Variants in RALGPS1 observed in about 807,000 individuals in gnomAD.
RALGPS1 encodes the protein ras-specific guanine nucleotide-releasing factor RalGPS1.
RALGPS1 carries 19 observed loss-of-function variants against 78.8 expected under a neutral mutation model. The observed-to-expected ratio is 0.24, with a 90% CI of 0.17 to 0.35. The LOEUF is 0.35. RALGPS1 is among the 10% of genes least tolerant of loss of function. RALGPS1 has a pLI of 1.00. For synonymous variants in RALGPS1, 228 were observed against 256.3 expected (o/e 0.89, Z 1.06); for missense variants, 454 against 688.3 (o/e 0.66, Z 3.81).
chr9:127,121,075 C>T (rs1345311995), intron 8 of RALGPS1, among the ~76,000 whole-genome samples: 1 of 152,118 alleles, frequency 6.6e-6, no homozygotes, highest in African/African-American at 2.4e-5. Context: ...AGCCATGTAG[C>T]CATGGGCACA....
intron 1 of RALGPS1, among the ~76,000 whole-genome samples, chr9:126,929,565 C>T (rs1314105953): frequency 6.6e-6 from 1 of 152,054 alleles, no homozygotes. Context: ...GATTTTCCTG[C>T]CTCAGCCTCC....
Position 127,183,827 on chromosome 9 carries a change from G to A in RALGPS1, c.910+9045G>A, listed in dbSNP as rs1001526329. On this transcript the variant is annotated intron_variant, in intron 11 of 18. Transcript: ENST00000259351. The surrounding 1 kb of genome is among the most constrained non-coding windows in gnomAD (Gnocchi z 4.0). ...CCTCAGGGATAGGAGGCCAGTTGTGGCCCATTACTCTGGGATTTCACATCT... is the reference window on the plus strand; with the variant it reads ...CCTCAGGGATAGGAGGCCAGTTGTGACCCATTACTCTGGGATTTCACATCT... 4.2e-5 allele frequency: 64 copies of A among 1,520,814 alleles called. No individual in the cohort carries two copies. Among genetic ancestry groups the A allele is most frequent in the Non-Finnish European group, 5.6e-5 (63 of 1,131,276 alleles). The allele number at this position is 1,520,814 out of a possible 1,614,324, so 94.2% of individuals were successfully genotyped here. A position where few individuals can be genotyped will look rare whatever the true frequency, so the allele number is the denominator to read the frequency against.
chr9:127,188,015 TCC>T (rs1318706084), intron 11 of RALGPS1, among the ~76,000 whole-genome samples: 3 of 149,096 alleles, frequency 2.0e-5, no homozygotes, highest in Admixed American at 2.0e-4. Flanking sequence ...TAACACTCTC[TCC>T]AGATGGTTCT....
Position 127,018,647 on chromosome 9 carries a change from G to GATGATA in RALGPS1, c.217-15782_217-15781insGATAAT, listed in dbSNP as rs1554791142. On this transcript the variant is annotated intron_variant, in intron 4 of 18. Transcript: ENST00000259351. ...CTCTGTCTCAAAAAATAATAATGAT[G>GATGATA]ATAATAATAATAATAATAATAATAA... Among the ~76,000 whole-genome samples the GATGATA allele has an allele frequency of 5.8e-4, 86 of 147,052 alleles. 1 individual carries two copies. The highest frequency in any genetic ancestry group is 2.4e-3 in the South Asian group (11 of 4,610).
At chr9:127,146,567 G>A (rs1006289532) in intron 8 of RALGPS1, among the ~76,000 whole-genome samples, 1 of 142,148 alleles carries the variant, frequency 7.0e-6, no homozygotes, top group African/African-American at 2.7e-5. Flanking sequence ...TTTTGACTCA[G>A]CGTCTCAACT....
chr9:127,133,814 C>G (rs1679190208), intron 8 of RALGPS1, among the ~76,000 whole-genome samples: 1 of 151,970 alleles, frequency 6.6e-6, no homozygotes, highest in Admixed American at 6.6e-5. Context: ...CAGCTGACAC[C>G]CCAGACACTC....
At chr9:126,948,501 A>T (rs1199533241) in intron 1 of RALGPS1, among the ~76,000 whole-genome samples, 1 of 152,194 alleles carries the variant, frequency 6.6e-6, no homozygotes, top group African/African-American at 2.4e-5. Context: ...AGCCTGTGCA[A>T]CAGAGTGAAA....
At chr9:127,210,417 A>G (rs2062178027) in intron 14 of RALGPS1, 1 of 479,854 alleles carries the variant, frequency 2.1e-6, no homozygotes, top group African/African-American at 1.9e-5. Flanking sequence ...GATTTTAATC[A>G]TGCTCTTGAC....
intron 13 of RALGPS1, among the ~76,000 whole-genome samples, chr9:127,197,439 G>A (rs1306348580): frequency 6.7e-6 from 1 of 149,658 alleles, no homozygotes; most frequent in Non-Finnish European, 1.5e-5. Context: ...CTGGTGGTTA[G>A]ACCAGTTGCC....
chr9:126,917,284 T>A (rs1051211867), intron 1 of RALGPS1, among the ~76,000 whole-genome samples: 2 of 152,218 alleles, frequency 1.3e-5, no homozygotes, highest in African/African-American at 2.4e-5. Flanking sequence ...TGCTGCTGTC[T>A]GAGTGACCAT....
chr9:127,130,451 C>G (rs968687507), intron 8 of RALGPS1, among the ~76,000 whole-genome samples: 1 of 152,172 alleles, frequency 6.6e-6, no homozygotes, highest in Non-Finnish European at 1.5e-5. Flanking sequence ...TTTAAGTTGT[C>G]CCTTTTTGGT....
chr9:127,063,435 A>G (rs2049391327), intron 7 of RALGPS1, among the ~76,000 whole-genome samples: 1 of 152,168 alleles, frequency 6.6e-6, no homozygotes, highest in African/African-American at 2.4e-5. Context: ...TTATAAATTA[A>G]TTCATTTTGC....
rs773060271 is a variant in RALGPS1 at position 127,220,620 on chromosome 9, G to C, written c.*1851G>C. 1 of 152,214 alleles carries C rather than the reference G, an allele frequency of 6.6e-6. No homozygotes were observed. Among genetic ancestry groups the C allele is most frequent in the African/African-American group, 2.4e-5 (1 of 41,442 alleles). The allele number at this position is 152,214 out of a possible 1,614,324, so 9.4% of individuals were successfully genotyped here. Reference sequence around the variant, plus strand: ...TGACTATTCAAATCAGCATCTAGAGGCTGAATGACAATGCCAAACACTCCA... The same window carrying C: ...TGACTATTCAAATCAGCATCTAGAGCCTGAATGACAATGCCAAACACTCCA... On this transcript the variant is annotated 3_prime_UTR_variant, in exon 19 of 19. Transcript: ENST00000259351.
intron 8 of RALGPS1, among the ~76,000 whole-genome samples, chr9:127,157,375 C>T (rs1009417173): frequency 6.6e-6 from 1 of 152,028 alleles, no homozygotes. Flanking sequence ...GTTACATTCT[C>T]ATTGCAACAA....
intron 8 of RALGPS1, among the ~76,000 whole-genome samples, chr9:127,138,020 C>A (rs2057519534): frequency 6.6e-6 from 1 of 152,122 alleles, no homozygotes; most frequent in Non-Finnish European, 1.5e-5. Context: ...CTGATTATCA[C>A]AAAGGAGCAG....
Position 127,219,075 on chromosome 9 carries a change from T to C in RALGPS1, c.*306T>C. ...GCGACTAGAGAGCACCCGGCCCACG[T>C]TGGGTTCTCAGTGCTTTCTACTGCA... On this transcript the variant is annotated 3_prime_UTR_variant, in exon 19 of 19. Transcript: ENST00000259351. The surrounding 1 kb of genome is among the most constrained non-coding windows in gnomAD (Gnocchi z 5.0). 2.2e-6 allele frequency: 1 copy of C among 463,188 alleles called. No individual in the cohort carries two copies. The highest frequency in any genetic ancestry group is 4.0e-6 in the Non-Finnish European group (1 of 250,420). The allele number at this position is 463,188 out of a possible 1,614,324, so 28.7% of individuals were successfully genotyped here. A position where few individuals can be genotyped will look rare whatever the true frequency, so the allele number is the denominator to read the frequency against.
chr9:126,964,678 G>A lies in RALGPS1; in HGVS notation c.58-1166G>A, dbSNP rs566321669. ...CTTAAGATCATCTTAAGAGTTTTTG[G>A]TATAGTAGACTCATTTTAAAATCTT... On this transcript the variant is annotated intron_variant, in intron 2 of 18. Coordinates refer to ENST00000259351, the MANE Select transcript of RALGPS1 (RefSeq NM_014636.3). Among the ~76,000 whole-genome samples the A allele has an allele frequency of 8.2e-5, 11 of 134,112 alleles. No individual in the cohort carries two copies. The East Asian group carries it at 2.9e-3, about 36-fold the overall frequency. 88.0% of individuals were successfully genotyped at this position (134,112 alleles called of 152,430 possible). A position where few individuals can be genotyped will look rare whatever the true frequency, so the allele number is the denominator to read the frequency against.
At chr9:127,000,844 G>A (rs1036982361) in intron 4 of RALGPS1, among the ~76,000 whole-genome samples, 23 of 151,496 alleles carry the variant, frequency 1.5e-4, no homozygotes, top group South Asian at 8.4e-4. Context: ...GTGAGCCACC[G>A]CGCCCGGCCT....
intron 1 of RALGPS1, among the ~76,000 whole-genome samples, chr9:126,952,685 G>A (rs988623018): frequency 7.5e-4 from 113 of 151,210 alleles, no homozygotes; most frequent in Non-Finnish European, 1.4e-3. Flanking sequence ...GTGTGTCTGT[G>A]TGTCTGTGTG....
Sources: gnomAD v4.1 joint callset for allele counts (sites outside exome capture counted in the v4.1 genomes callset) on GRCh38, gnomAD v4.1.1 for gene constraint, Gnocchi (gnomAD v3.1) non-coding constraint, MANE v1.5 for transcripts, NCBI Gene and HGNC (gene_info 2026-07-23, HGNC 2026-07-21) for gene names.